Variants in SCLT1 observed in about 807,000 individuals in gnomAD.
The protein encoded by SCLT1 is sodium channel and clathrin linker 1.
SCLT1 carries 78 observed loss-of-function variants against 112.8 expected under a neutral mutation model. That is an observed-to-expected ratio of 0.69 (90% CI 0.58 to 0.83). The LOEUF (loss-of-function observed/expected upper bound fraction) is 0.83. Among genes scored for constraint, SCLT1 ranks in the 40% least tolerant of loss-of-function variants. The pLI, the probability that SCLT1 is intolerant of heterozygous loss-of-function variation, is 0.00. For missense variants in SCLT1, 747 were observed against 770.4 expected, an observed-to-expected ratio of 0.97 and a Z score of 0.36; for synonymous variants, 257 against 254.7, an observed-to-expected ratio of 1.01 and a Z score of -0.09.
At chr4:128,878,318 T>A (rs928260774) in intron 3 of SCLT1, among the ~76,000 whole-genome samples, 8 of 152,222 alleles carry the variant, frequency 5.3e-5, no homozygotes, top group Non-Finnish European at 8.8e-5. Flanking sequence ...ATTACATTTA[T>A]AATTATGGGT....
intron 2 of SCLT1, among the ~76,000 whole-genome samples, chr4:129,074,463 T>C (rs2125759853): frequency 6.6e-6 from 1 of 152,280 alleles, no homozygotes; most frequent in East Asian, 1.9e-4. Context: ...TTAGCAATCC[T>C]TTTCCATTTG....
chr4:129,026,963 A>C (rs1304272844), intron 5 of SCLT1, among the ~76,000 whole-genome samples: 3 of 151,998 alleles, frequency 2.0e-5, no homozygotes, highest in Non-Finnish European at 4.4e-5. Flanking sequence ...GAAATGGATA[A>C]ATTCCTCGAC....
intron 2 of SCLT1, among the ~76,000 whole-genome samples, chr4:129,081,318 C>G (rs926362641): frequency 1.3e-5 from 2 of 152,202 alleles, no homozygotes; most frequent in African/African-American, 2.4e-5. Flanking sequence ...CCGAAGAGCT[C>G]TGGGCCATGA....
intron 18 of SCLT1, among the ~76,000 whole-genome samples, chr4:128,921,440 C>T (rs1735876186): frequency 6.6e-6 from 1 of 152,082 alleles, no homozygotes; most frequent in Non-Finnish European, 1.5e-5. Flanking sequence ...CAGCATGGTA[C>T]TGGTAAAAAA....
At chr4:129,067,884 T>G (rs1434020044) in intron 2 of SCLT1, among the ~76,000 whole-genome samples, 1 of 151,912 alleles carries the variant, frequency 6.6e-6, no homozygotes. Context: ...ACAGGTGGTG[T>G]TTGGTTACAT....
At chr4:129,005,054 T>C (rs981634470) in intron 5 of SCLT1, among the ~76,000 whole-genome samples, 3 of 152,028 alleles carry the variant, frequency 2.0e-5, no homozygotes, top group African/African-American at 7.2e-5. Flanking sequence ...AAAACCATTA[T>C]TAATTCTGTA....
chr4:128,897,739 A>C (rs1462197752), intron 18 of SCLT1, among the ~76,000 whole-genome samples: 1 of 152,222 alleles, frequency 6.6e-6, no homozygotes, highest in Admixed American at 6.5e-5. Flanking sequence ...AATTGGATAA[A>C]GAGTCAAGAC....
intron 2 of SCLT1, among the ~76,000 whole-genome samples, chr4:129,049,706 T>A (rs74885496): frequency 1.3e-5 from 2 of 152,122 alleles, no homozygotes; most frequent in African/African-American, 4.8e-5. Context: ...CTTTTTTTTT[T>A]ATTTGCAGTT....
At chr4:129,008,299 ATTC>A (rs1251890577) in intron 5 of SCLT1, among the ~76,000 whole-genome samples, 1 of 152,142 alleles carries the variant, frequency 6.6e-6, no homozygotes, top group African/African-American at 2.4e-5. Context: ...TGAGCACACA[ATTC>A]TTAGTTGACA....
intron 9 of SCLT1, 180 bp from the exon 10 acceptor site, chr4:128,970,648 G>A (rs553781708): frequency 1.1e-5 from 6 of 550,264 alleles, no homozygotes; most frequent in South Asian, 7.0e-5. Flanking sequence ...AGATATTAAA[G>A]AGGAAAAAAT....
intron 10 of SCLT1, 97 bp downstream of exon 10, chr4:128,970,281 T>C: frequency 1.4e-6 from 1 of 703,962 alleles, no homozygotes; most frequent in East Asian, 2.7e-5. Flanking sequence ...TAATTCATCT[T>C]CTGACAACCC....
At chr4:129,027,997 C>A (rs1445347391) in intron 5 of SCLT1, among the ~76,000 whole-genome samples, 3 of 152,120 alleles carry the variant, frequency 2.0e-5, no homozygotes, top group Non-Finnish European at 4.4e-5. Context: ...TCAAGGAGAA[C>A]TACAAACCAC....
At chr4:129,047,070 C>T (rs1016488975) in intron 2 of SCLT1, among the ~76,000 whole-genome samples, 2 of 151,980 alleles carry the variant, frequency 1.3e-5, no homozygotes, top group Non-Finnish European at 2.9e-5. Flanking sequence ...CATTCCATAG[C>T]TTGTCTTTTT....
chr4:128,910,636 A>C (rs765337666), intron 18 of SCLT1, among the ~76,000 whole-genome samples: 3 of 151,966 alleles, frequency 2.0e-5, no homozygotes, highest in Non-Finnish European at 2.9e-5. Context: ...TTTGATTAGA[A>C]AGTCTTCTCT....
chr4:129,065,428 A>T (rs900226026), intron 2 of SCLT1, among the ~76,000 whole-genome samples: 2 of 152,092 alleles, frequency 1.3e-5, no homozygotes, highest in Non-Finnish European at 2.9e-5. Context: ...TCATAATAAA[A>T]CAGAGAACAA....
intron 2 of SCLT1, among the ~76,000 whole-genome samples, chr4:129,066,813 A>G (rs1423272844): frequency 6.6e-6 from 1 of 152,102 alleles, no homozygotes; most frequent in Non-Finnish European, 1.5e-5. Flanking sequence ...AAAATGTGAC[A>G]AATGGCACTA....
chr4:129,090,666 C>A (rs1226311205), intron 1 of SCLT1, among the ~76,000 whole-genome samples: 3 of 152,154 alleles, frequency 2.0e-5, no homozygotes, highest in Non-Finnish European at 4.4e-5. Flanking sequence ...AAAAATAAGT[C>A]CATCACCACT....
At position 128,977,608 on chromosome 4, in the gene SCLT1, C is replaced by A. The variant is rs58701517; in HGVS notation, c.687-7140G>T. On this transcript the variant is annotated intron_variant, in intron 9 of 20. Coordinates refer to ENST00000281142, the MANE Select transcript of SCLT1 (RefSeq NM_144643.4). ...ATGGTAGAAATATCTGAGCTACGAC[C>A]TAAAGGATGATGAGGCAAACTGAAG... 3.8e-3 allele frequency among the ~76,000 whole-genome samples: 573 copies of A among 152,034 alleles called. 1 individual carries two copies. The highest frequency in any genetic ancestry group is 0.011 in the African/African-American group (474 of 41,448).
At chr4:128,927,567 CCTGT>C (rs1560849783) in intron 18 of SCLT1, among the ~76,000 whole-genome samples, 1 of 150,880 alleles carries the variant, frequency 6.6e-6, no homozygotes, top group Non-Finnish European at 1.5e-5. Context: ...AGAGTGAGAC[CCTGT>C]CTCAGAAAAA....
Sources: allele counts gnomAD v4.1 joint callset (sites outside exome capture counted in the v4.1 genomes callset), GRCh38; gene constraint gnomAD v4.1.1; transcripts MANE v1.5; gene names NCBI Gene and HGNC (gene_info 2026-07-23, HGNC 2026-07-21).